API5: variants seen among roughly 807,000 people sequenced by gnomAD.
The protein encoded by API5 is apoptosis inhibitor 5, also known as FIF.
A neutral mutation model predicts 71.9 loss-of-function variants in API5; 6 were observed. The observed-to-expected ratio is 0.08, with a 90% CI of 0.05 to 0.16. The LOEUF is 0.16. Ranked by LOEUF, API5 falls within the 10% of genes least tolerant of loss-of-function variation. The pLI is 1.00. For missense variants in API5, 332 were observed against 612.8 expected (o/e 0.54, Z 4.84); for synonymous variants, 189 against 221.3 (o/e 0.85, Z 1.30).
intron 1 of API5, among the ~76,000 whole-genome samples, chr11:43,316,736 C>T (rs1317771373): frequency 6.6e-6 from 1 of 152,134 alleles, no homozygotes; most frequent in East Asian, 1.9e-4. Context: ...CTTACCACAG[C>T]CTTTATCGCC....
intron 1 of API5, among the ~76,000 whole-genome samples, chr11:43,314,819 T>G (rs1854614965): frequency 6.6e-6 from 1 of 152,224 alleles, no homozygotes; most frequent in South Asian, 2.1e-4. Flanking sequence ...ATAAAATGCC[T>G]AAAATCACTT....
chr11:43,338,578 A>G (rs551927342), intron 13 of API5, among the ~76,000 whole-genome samples: 1 of 148,162 alleles, frequency 6.7e-6, no homozygotes, highest in South Asian at 2.2e-4. Flanking sequence ...ATTTTTTAGG[A>G]TGAAGCTCTT....
chr11:43,327,927 G>C lies in API5; in HGVS notation c.945+49G>C. ...TGGGATAGTCAGTATATAGCTCAAA[G>C]TCTAATTTATTATTAATTTCTAGAT... On this transcript the variant is annotated intron_variant, in intron 8 of 13. Transcript: ENST00000531273. 2.7e-6 allele frequency: 3 copies of C among 1,127,346 alleles called. No individual in the cohort carries two copies. In the South Asian group the frequency reaches 5.2e-5, roughly 20 times the overall value. The allele number at this position is 1,127,346 out of a possible 1,614,324, so 69.8% of individuals were successfully genotyped here. A position where few individuals can be genotyped will look rare whatever the true frequency, so the allele number is the denominator to read the frequency against.
chr11:43,341,509 TCTCA>T (rs1238227333), intron 13 of API5, among the ~76,000 whole-genome samples: 2 of 152,128 alleles, frequency 1.3e-5, no homozygotes, highest in Non-Finnish European at 2.9e-5. Context: ...CAATGCATGT[TCTCA>T]CTCATGTGGA....
At position 43,321,423 on chromosome 11, in the gene API5, A is replaced by T; in HGVS notation, c.338A>T (p.Glu113Val). 1.2e-6 allele frequency: 2 copies of T among 1,610,816 alleles called. No individual in the cohort carries two copies. Among genetic ancestry groups the T allele is most frequent in the Non-Finnish European group, 1.7e-6 (2 of 1,178,324 alleles). The change falls in exon 4 of 14, where the codon GAA becomes GTA. Residue 113 changes from glutamate to valine, a missense_variant. Transcript: ENST00000531273. ...TTTCTTTATCCAGATGACTCTGCAG[A>T]ATTTAACCTAGTGAACAATGCCCTA... ...TQLLQTDDSA[E>V]FNLVNNALLS...
In API5 at chr11:43,343,279, C is replaced by A. The variant is rs548447757; in HGVS notation, c.*769C>A. The A allele has an allele frequency of 6.6e-6, 1 of 152,090 alleles. No homozygotes were observed. The highest frequency in any genetic ancestry group is 2.4e-5 in the African/African-American group (1 of 41,308). 9.4% of individuals were successfully genotyped at this position (152,090 alleles called of 1,614,324 possible). On this transcript the variant is annotated 3_prime_UTR_variant, in exon 14 of 14. Coordinates refer to ENST00000531273, the MANE Select transcript of API5 (RefSeq NM_001142930.2). ...TAAATCACTTTTTAAATTCCAGGAA[C>A]GGGTAGTCTGACACGGTGATTATCC...
intron 13 of API5, among the ~76,000 whole-genome samples, chr11:43,337,734 TAAAATC>T (rs954856081): frequency 6.6e-5 from 10 of 152,214 alleles, no homozygotes; most frequent in African/African-American, 2.4e-4. Context: ...GTACCATTCT[TAAAATC>T]AAAAGTTATC....
In API5 at chr11:43,343,995, C is replaced by G. The variant is rs760488587; in HGVS notation, c.*1485C>G. On this transcript the variant is annotated 3_prime_UTR_variant, in exon 14 of 14. Coordinates refer to ENST00000531273, the MANE Select transcript of API5 (RefSeq NM_001142930.2). ...GTATGGGGAAAATAGTTCTGAAAGG[C>G]TAGAATGATACAAGTGAGCAAAAGT... 6.6e-6 allele frequency: 1 copy of G among 152,548 alleles called. No homozygotes were observed. 9.4% of individuals were successfully genotyped at this position (152,548 alleles called of 1,614,324 possible).
chr11:43,319,365 C>G (rs1854785435), intron 2 of API5, among the ~76,000 whole-genome samples: 1 of 152,170 alleles, frequency 6.6e-6, no homozygotes. Context: ...TAGCTCTTGT[C>G]TTTTCAGATG....
chr11:43,323,578 A>C lies in API5; in HGVS notation c.692A>C (p.Asp231Ala). 1 of 1,614,070 alleles carries C rather than the reference A, an allele frequency of 6.2e-7. No individual in the cohort carries two copies. The part of the protein sequence containing the change: ...ADLEQTFNPS[D>A]PDCVDRLLQC... ...CTAGAACAGACCTTCAATCCCTCGGATCCTGACTGTGTGGACAGGCTCTTA... is the reference window on the plus strand; with the variant it reads ...CTAGAACAGACCTTCAATCCCTCGGCTCCTGACTGTGTGGACAGGCTCTTA... Residue 231 changes from aspartate to alanine, a missense_variant, in exon 6 of 14, where the codon GAT becomes GCT. Physicochemically the swap from Asp to Ala is moderately radical, Grantham distance 126. Around this residue, in one of 3 missense-constraint regions of API5, gnomAD observed 37 missense variants for 31.3 expected, o/e 1.18. Transcript: ENST00000531273.
At position 43,328,695 on chromosome 11, in the gene API5, A is replaced by G. The variant is rs376760164; in HGVS notation, c.946-17A>G. The G allele has an allele frequency of 1.1e-5, 17 of 1,607,544 alleles. No individual in the cohort carries two copies. Among genetic ancestry groups the G allele is most frequent in the Non-Finnish European group, 1.4e-5 (17 of 1,175,324 alleles). ...ATGTAGAACAGATTGCAAAATCTGTATATTTTTCTCTCTTAGGAATACATG... is the reference window on the plus strand; with the variant it reads ...ATGTAGAACAGATTGCAAAATCTGTGTATTTTTCTCTCTTAGGAATACATG... On this transcript the variant is annotated splice_polypyrimidine_tract_variant and intron_variant, in intron 8 of 13. Transcript: ENST00000531273.
In API5 at chr11:43,344,326, C is replaced by T. The variant is rs1484103059; in HGVS notation, c.*1816C>T. The T allele has an allele frequency of 1.3e-5, 2 of 152,644 alleles. No homozygotes were observed. The highest frequency in any genetic ancestry group is 2.9e-5 in the Non-Finnish European group (2 of 68,040). 9.5% of individuals were successfully genotyped at this position (152,644 alleles called of 1,614,324 possible). ...TGACTTTACTTTCTCAAGTTTGATA[C>T]TGAGTTGACTGTTCCCTTATCCCTC... On this transcript the variant is annotated 3_prime_UTR_variant, in exon 14 of 14. Coordinates refer to ENST00000531273, the MANE Select transcript of API5 (RefSeq NM_001142930.2).
intron 7 of API5, among the ~76,000 whole-genome samples, chr11:43,327,482 G>T (rs1855112470): frequency 6.6e-6 from 1 of 152,210 alleles, no homozygotes; most frequent in Non-Finnish European, 1.5e-5. Flanking sequence ...GTAGCAGAAA[G>T]TGTCGTATGT....
rs1855659144 is a variant in API5 at position 43,342,638 on chromosome 11, A to G, written c.*128A>G. 1 of 927,652 alleles carries G rather than the reference A, an allele frequency of 1.1e-6. No individual in the cohort carries two copies. 57.5% of individuals were successfully genotyped at this position (927,652 alleles called of 1,614,324 possible). A position where few individuals can be genotyped will look rare whatever the true frequency, so the allele number is the denominator to read the frequency against. On this transcript the variant is annotated 3_prime_UTR_variant, in exon 14 of 14. Transcript: ENST00000531273. ...CAGCTAAAAACTTAATGTTCTTTAT[A>G]CCTTTGTATGTATGACCTACTTTTG...
rs148745385 is a variant in API5 at position 43,342,018 on chromosome 11, A to C, written c.1493-410A>C. On this transcript the variant is annotated intron_variant, in intron 13 of 13. Transcript: ENST00000531273. ...AAAATAGCCAAACATGGTGGTGTGC[A>C]TCTGTAGCCCTAGCTACTGGGGAGT... Among the ~76,000 whole-genome samples the C allele has an allele frequency of 5.3e-5, 8 of 152,034 alleles. No individual in the cohort carries two copies. The East Asian group carries it at 1.5e-3, about 29-fold the overall frequency.
chr11:43,333,056 A>G (rs1259153246), intron 11 of API5, among the ~76,000 whole-genome samples: 1 of 152,196 alleles, frequency 6.6e-6, no homozygotes, highest in East Asian at 1.9e-4. Flanking sequence ...AAAGATATTC[A>G]TATTGCTCTA....
Position 43,318,760 on chromosome 11 carries a change from A to G in API5, c.190A>G (p.Ile64Val). 6.2e-7 allele frequency: 1 copy of G among 1,613,734 alleles called. No individual in the cohort carries two copies. The highest frequency in any genetic ancestry group is 8.5e-7 in the Non-Finnish European group (1 of 1,179,962). The change falls in exon 2 of 14, where the codon ATC becomes GTC. Residue 64 changes from isoleucine to valine, a missense_variant. Ile to Val is a conservative substitution (Grantham distance 29). This residue lies in a region of API5 where 127 missense variants were observed against 237.6 expected (regional missense o/e 0.53). Transcript: ENST00000531273. Reference sequence around the variant, plus strand: ...TTTTCCAGAATTGGCTGATTCTGCTATCAATGCACAGTTAGACCTCTGTGA... The same window carrying G: ...TTTTCCAGAATTGGCTGATTCTGCTGTCAATGCACAGTTAGACCTCTGTGA... ...KHFPELADSA[I>V]NAQLDLCEDE...
At chr11:43,330,359 G>A (rs1400967921) in intron 10 of API5, 149 bp from the exon 11 acceptor site, 8 of 692,506 alleles carry the variant, frequency 1.2e-5, no homozygotes, top group Admixed American at 8.5e-5. Context: ...ATAGGAATAC[G>A]CATTATCTAT....
intron 3 of API5, among the ~76,000 whole-genome samples, 169 bp from the exon 4 acceptor site, chr11:43,321,242 T>G (rs1403658404): frequency 6.6e-6 from 1 of 152,214 alleles, no homozygotes; most frequent in African/African-American, 2.4e-5. Context: ...CAGATCGGGT[T>G]CTCAACTTAC....
Sources: allele counts gnomAD v4.1 joint callset (sites outside exome capture counted in the v4.1 genomes callset), GRCh38; gene constraint gnomAD v4.1.1; regional missense constraint gnomAD v4.1.1; transcripts MANE v1.5; gene names NCBI Gene and HGNC (gene_info 2026-07-23, HGNC 2026-07-21).